Variants in DDX60 observed in about 807,000 individuals in gnomAD.
The protein encoded by DDX60 is probable ATP-dependent RNA helicase DDX60.
DDX60 carries 165 observed loss-of-function variants against 212.8 expected under a neutral mutation model. The ratio of observed to expected loss-of-function variants is 0.78; its 90% CI spans 0.68 to 0.88. The LOEUF (loss-of-function observed/expected upper bound fraction) is 0.88. DDX60 is among the 40% of genes least tolerant of loss of function. DDX60 has a pLI of 0.00. For synonymous variants in DDX60, 703 were observed against 685.3 expected (o/e 1.03, Z -0.40); for missense variants, 1,905 against 2,003.9 (o/e 0.95, Z 0.94).
intron 3 of DDX60, 141 bp downstream of exon 3, chr4:168,310,857 T>C: frequency 2.3e-6 from 1 of 434,776 alleles, no homozygotes; most frequent in East Asian, 3.5e-5. Flanking sequence ...TAAACATGGA[T>C]TCTCAACTGC....
chr4:168,286,423 GAGATAGAT>G (rs71977398), intron 10 of DDX60, among the ~76,000 whole-genome samples: 49,629 of 136,286 alleles, frequency 0.36, 9,247 homozygotes, highest in African/African-American at 0.45. Context: ...CACACCACAC[GAGATAGAT>G]AGATAGATAG....
At chr4:168,320,834 C>T (rs1215783023), upstream of DDX60, among the ~76,000 whole-genome samples, 5 of 152,086 alleles carry the variant, frequency 3.3e-5, no homozygotes, top group African/African-American at 4.8e-5. Flanking sequence ...AATAAAGCTT[C>T]GAGGGATAAA....
At chr4:168,217,765 G>C (rs1009996978) in intron 37 of DDX60, among the ~76,000 whole-genome samples, 27 of 152,080 alleles carry the variant, frequency 1.8e-4, no homozygotes, top group Admixed American at 1.7e-3. Context: ...AGATGAAAGG[G>C]AGCCACAAGC....
In DDX60 at chr4:168,246,519, C is replaced by T. The variant is rs761884132; in HGVS notation, c.4063G>A (p.Val1355Ile). 1.2e-6 allele frequency: 2 copies of T among 1,614,060 alleles called. No individual in the cohort carries two copies. Among genetic ancestry groups the T allele is most frequent in the Non-Finnish European group, 1.7e-6 (2 of 1,179,984 alleles). The change falls in exon 30 of 38, where the codon GTT (valine) becomes ATT (isoleucine). Residue 1355 changes from valine (V) to isoleucine (I), a missense_variant. Transcript: ENST00000393743. ...PKIGKLIKSN[V>I]PELRGHFPLS... ...GGGAAGTGTCCTCTCAGCTCAGGAA[C>T]ATTGGATTTTATGAGTTTTCCTATT... is the stretch of plus-strand genomic sequence containing the variant.
chr4:168,273,949 G>C lies in DDX60; in HGVS notation c.2439C>G (p.Tyr813Ter). ...LKESDDGVVV[Y>*]VAPTKALVNQ... is the part of the protein sequence containing the mutation. Reference sequence around the variant, plus strand: ...TGAGCACTACCTTTGTGGGTGCAACGTACACGACCACCCCGTCGTCGCTCT... The same window carrying C: ...TGAGCACTACCTTTGTGGGTGCAACCTACACGACCACCCCGTCGTCGCTCT... Residue 813 changes from tyrosine to a stop codon, truncating the protein, a stop_gained, in exon 17 of 38, where the codon TAC (tyrosine) becomes TAG (stop). Coordinates refer to ENST00000393743, the MANE Select transcript of DDX60 (RefSeq NM_017631.6). LOFTEE classifies it high-confidence loss of function. 6.2e-7 allele frequency: 1 copy of C among 1,613,980 alleles called. No homozygotes were observed. The highest frequency in any genetic ancestry group is 8.5e-7 in the Non-Finnish European group (1 of 1,179,918).
intron 6 of DDX60, among the ~76,000 whole-genome samples, chr4:168,294,826 A>G (rs2149538122): frequency 6.6e-6 from 1 of 152,262 alleles, no homozygotes; most frequent in South Asian, 2.1e-4. Flanking sequence ...ATAAGGAGTT[A>G]AGATCTAAAG....
chr4:168,258,868 G>T (rs975625847), intron 25 of DDX60, among the ~76,000 whole-genome samples: 1 of 151,994 alleles, frequency 6.6e-6, no homozygotes, highest in East Asian at 1.9e-4. Flanking sequence ...TTTCATACCC[G>T]AAGGACAGTA....
chr4:168,231,975 G>A (rs1013402267), intron 33 of DDX60, among the ~76,000 whole-genome samples: 13 of 151,760 alleles, frequency 8.6e-5, no homozygotes, highest in East Asian at 1.9e-4. Context: ...CTAAAGACTC[G>A]TCTAAAAAGC....
Position 168,273,747 on chromosome 4 carries a change from G to A in DDX60, c.2454+187C>T, listed in dbSNP as rs1735201868. Among the ~76,000 whole-genome samples the A allele has an allele frequency of 2.0e-5, 3 of 151,116 alleles. No individual in the cohort carries two copies. In the South Asian group the frequency reaches 6.4e-4, roughly 32 times the overall value. ...TTTGAATATGTATATGTTATTTTATGTACATGTTTGTGTGTGTGTGTATGT... is the reference window on the plus strand; with the variant it reads ...TTTGAATATGTATATGTTATTTTATATACATGTTTGTGTGTGTGTGTATGT... On this transcript the variant is annotated intron_variant, in intron 17 of 37. Transcript: ENST00000393743.
At chr4:168,276,248 G>C (rs775699261) in intron 14 of DDX60, 67 bp from the exon 15 acceptor site, 1 of 1,335,788 alleles carries the variant, frequency 7.5e-7, no homozygotes, top group Non-Finnish European at 1.0e-6. Context: ...GATTACCCAA[G>C]ATTAATCATC....
chr4:168,228,106 A>G (rs560672625), intron 33 of DDX60, among the ~76,000 whole-genome samples: 94 of 152,144 alleles, frequency 6.2e-4, no homozygotes, highest in Non-Finnish European at 9.3e-4. Flanking sequence ...GGTACAGCCT[A>G]TTGGTCCTAG....
intron 22 of DDX60, among the ~76,000 whole-genome samples, chr4:168,265,878 AAG>A (rs2149514658): frequency 1.3e-5 from 2 of 149,122 alleles, no homozygotes; most frequent in African/African-American, 2.5e-5. Flanking sequence ...AAGGGAAGGG[AAG>A]GGAAGGGAAG....
intron 26 of DDX60, among the ~76,000 whole-genome samples, chr4:168,254,840 T>C (rs557111824): frequency 6.6e-5 from 10 of 152,240 alleles, no homozygotes; most frequent in Admixed American, 1.3e-4. Context: ...AAGTAAGTCA[T>C]GTGAGGAGAA....
intron 18 of DDX60, among the ~76,000 whole-genome samples, chr4:168,272,675 A>G (rs1735155030): frequency 6.6e-6 from 1 of 152,192 alleles, no homozygotes; most frequent in Admixed American, 6.5e-5. Flanking sequence ...GTTGCAGGGT[A>G]GAGACTGTGG....
At chr4:168,246,726 G>A (rs1433830105) in intron 29 of DDX60, 108 bp from the exon 30 acceptor site, 29 of 1,156,546 alleles carry the variant, frequency 2.5e-5, no homozygotes, top group Non-Finnish European at 3.6e-5. Flanking sequence ...TTGTGCATAT[G>A]TCTAACCATT....
intron 6 of DDX60, among the ~76,000 whole-genome samples, chr4:168,297,354 GAAAGAA>G (rs1736424613): frequency 2.8e-5 from 2 of 72,098 alleles, no homozygotes; most frequent in South Asian, 4.5e-4. Flanking sequence ...AAGAAAGAAA[GAAAGAA>G]AGAAAGAAAG....
intron 30 of DDX60, among the ~76,000 whole-genome samples, chr4:168,243,202 G>C (rs1442561909): frequency 3.3e-5 from 5 of 152,124 alleles, no homozygotes; most frequent in Non-Finnish European, 7.3e-5. Context: ...TCAGCAGCAT[G>C]AACATGGAAT....
chr4:168,283,373 A>G, intron 13 of DDX60, 73 bp downstream of exon 13: 1 of 1,333,192 alleles, frequency 7.5e-7, no homozygotes, highest in Non-Finnish European at 1.0e-6. Flanking sequence ...GAAACCACCA[A>G]AGGGATAACA....
At chr4:168,285,756 G>T (rs1485885361) in intron 10 of DDX60, among the ~76,000 whole-genome samples, 1 of 151,128 alleles carries the variant, frequency 6.6e-6, no homozygotes, top group Non-Finnish European at 1.5e-5. Flanking sequence ...ATGCATGGGG[G>T]ATGGGTGGGT....
Sources: allele counts gnomAD v4.1 joint callset (sites outside exome capture counted in the v4.1 genomes callset), GRCh38; gene constraint gnomAD v4.1.1; transcripts MANE v1.5; gene names NCBI Gene and HGNC (gene_info 2026-07-23, HGNC 2026-07-21).